Variants in SLC39A14 observed in about 807,000 individuals in gnomAD.
SLC39A14 encodes the protein solute carrier family 39 member 14.
Under a neutral mutation model 45.5 loss-of-function variants are expected in SLC39A14, and 19 were observed. The observed-to-expected ratio is 0.42, with a 90% CI of 0.29 to 0.61. The LOEUF (loss-of-function observed/expected upper bound fraction) is 0.61, where lower values mean the gene tolerates loss of function less well. Ranked by LOEUF, SLC39A14 falls within the 20% of genes least tolerant of loss-of-function variation. The pLI, the probability that SLC39A14 is intolerant of heterozygous loss-of-function variation, is 0.22. For synonymous variants in SLC39A14, 264 were observed against 251.3 expected (o/e 1.05, Z -0.48); for missense variants, 447 against 616.5 (o/e 0.73, Z 2.91).
intron 3 of SLC39A14, among the ~76,000 whole-genome samples, chr8:22,409,291 C>T (rs1016613895): frequency 6.6e-6 from 1 of 152,186 alleles, no homozygotes; most frequent in Non-Finnish European, 1.5e-5. Context: ...GCGTGTGCTG[C>T]CTGAGTGTCG....
intron 1 of SLC39A14, among the ~76,000 whole-genome samples, chr8:22,380,309 G>T (rs1833437383): frequency 6.6e-6 from 1 of 152,186 alleles, no homozygotes; most frequent in African/African-American, 2.4e-5. Context: ...TACCCCTGTG[G>T]CAAAGAGGGA....
chr8:22,397,789 T>C (rs1834592253), intron 1 of SLC39A14, among the ~76,000 whole-genome samples: 1 of 152,154 alleles, frequency 6.6e-6, no homozygotes, highest in Non-Finnish European at 1.5e-5. Context: ...TCTATCAGGC[T>C]CAGCGGTCAC....
chr8:22,412,973 C>T (rs557566240), intron 4 of SLC39A14, among the ~76,000 whole-genome samples: 1 of 152,264 alleles, frequency 6.6e-6, no homozygotes, highest in East Asian at 1.9e-4. Flanking sequence ...TCATCAGAAC[C>T]CACAGTTCTC....
At chr8:22,400,309 G>C (rs1834782535) in intron 1 of SLC39A14, among the ~76,000 whole-genome samples, 1 of 152,212 alleles carries the variant, frequency 6.6e-6, no homozygotes, top group Non-Finnish European at 1.5e-5. Context: ...CGTGGAGTAA[G>C]TTTCCCAGCT....
chr8:22,374,197 G>A (rs988293441), intron 1 of SLC39A14, among the ~76,000 whole-genome samples: 2 of 152,240 alleles, frequency 1.3e-5, no homozygotes, highest in African/African-American at 4.8e-5. Context: ...GGGGTTGGGG[G>A]GAGGTTGGCC....
chr8:22,373,989 C>T (rs1833074414), intron 1 of SLC39A14, among the ~76,000 whole-genome samples: 1 of 152,182 alleles, frequency 6.6e-6, no homozygotes, highest in Admixed American at 6.5e-5. Context: ...CGAACTCGAG[C>T]TCAAGTGATC....
chr8:22,377,993 T>C (rs556259749), intron 1 of SLC39A14, among the ~76,000 whole-genome samples: 1 of 152,350 alleles, frequency 6.6e-6, no homozygotes, highest in African/African-American at 2.4e-5. Flanking sequence ...TTCCCGTTCC[T>C]AGCTTTAGAA....
chr8:22,402,524 C>T (rs1418248669), intron 1 of SLC39A14, among the ~76,000 whole-genome samples: 1 of 152,190 alleles, frequency 6.6e-6, no homozygotes, highest in Non-Finnish European at 1.5e-5. Context: ...AATCCCAACA[C>T]TTGGGGAGCC....
intron 2 of SLC39A14, 82 bp downstream of exon 2, chr8:22,405,062 C>T: frequency 1.5e-6 from 2 of 1,355,982 alleles, no homozygotes; most frequent in Non-Finnish European, 2.0e-6. Flanking sequence ...GGGCCCAGGG[C>T]AGCCTGGCAG....
chr8:22,394,134 G>A (rs749021665), intron 1 of SLC39A14, among the ~76,000 whole-genome samples: 4 of 151,366 alleles, frequency 2.6e-5, no homozygotes, highest in Non-Finnish European at 5.9e-5. Flanking sequence ...AGGCTCCCAA[G>A]CAGCTGGGAC....
chr8:22,408,835 T>TC (rs1835387752), intron 3 of SLC39A14, among the ~76,000 whole-genome samples: 1 of 151,130 alleles, frequency 6.6e-6, no homozygotes, highest in South Asian at 2.1e-4. Flanking sequence ...TTTTTTTTTT[T>TC]TCTGAGATAG....
chr8:22,388,230 A>G (rs1833888041), intron 1 of SLC39A14, among the ~76,000 whole-genome samples: 1 of 152,100 alleles, frequency 6.6e-6, no homozygotes, highest in Non-Finnish European at 1.5e-5. Context: ...ATTGGGGTGG[A>G]TCTGAGGTGG....
At chr8:22,398,089 T>A (rs989405760) in intron 1 of SLC39A14, 1 of 152,170 alleles carries the variant, frequency 6.6e-6, no homozygotes, top group Non-Finnish European at 1.5e-5. Context: ...CTGAGGCCAG[T>A]CAGTGGTGGA....
intron 1 of SLC39A14, among the ~76,000 whole-genome samples, chr8:22,382,970 G>A (rs1441183096): frequency 1.3e-5 from 2 of 151,722 alleles, no homozygotes; most frequent in African/African-American, 2.4e-5. Flanking sequence ...CACCCGCATC[G>A]GCCTCCCAAA....
intron 4 of SLC39A14, among the ~76,000 whole-genome samples, chr8:22,412,813 G>A (rs186731464): frequency 7.9e-5 from 12 of 152,210 alleles, no homozygotes; most frequent in Admixed American, 4.6e-4. Flanking sequence ...ACGTGGTAGC[G>A]CACGCCTGTA....
chr8:22,384,960 G>T (rs555499892), intron 1 of SLC39A14, among the ~76,000 whole-genome samples: 1 of 151,320 alleles, frequency 6.6e-6, no homozygotes, highest in South Asian at 2.1e-4. Flanking sequence ...TGAGACTGGA[G>T]AATTGCTTGA....
At chr8:22,395,274 C>G (rs1481763652) in intron 1 of SLC39A14, among the ~76,000 whole-genome samples, 2 of 152,150 alleles carry the variant, frequency 1.3e-5, no homozygotes, top group African/African-American at 4.8e-5. Context: ...CCAGGAAAAT[C>G]TTGTGTTTTA....
chr8:22,403,992 A>G (rs997381044), intron 1 of SLC39A14, among the ~76,000 whole-genome samples: 1 of 152,240 alleles, frequency 6.6e-6, no homozygotes, highest in Non-Finnish European at 1.5e-5. Context: ...ACTTAGTTCC[A>G]GTGAATATCA....
downstream of SLC39A14, among the ~76,000 whole-genome samples, chr8:22,425,237 C>A (rs1469548939): frequency 6.6e-6 from 1 of 152,078 alleles, no homozygotes; most frequent in Non-Finnish European, 1.5e-5. Context: ...CAGAGCTAAG[C>A]AAAGTAAACA....
Sources: allele counts gnomAD v4.1 joint callset (sites outside exome capture counted in the v4.1 genomes callset), GRCh38; gene constraint gnomAD v4.1.1; transcripts MANE v1.5; gene names NCBI Gene and HGNC (gene_info 2026-07-23, HGNC 2026-07-21).